Variants in BPIFC observed in about 807,000 individuals in gnomAD.
BPIFC encodes the protein BPI fold-containing family C protein.
In BPIFC, 60 loss-of-function variants were observed where a neutral mutation model predicts 57.6. The ratio of observed to expected loss-of-function variants is 1.04; its 90% CI spans 0.85 to 1.29. The LOEUF (loss-of-function observed/expected upper bound fraction) is 1.29, where lower values mean the gene tolerates loss of function less well. BPIFC is among the 50% of genes most tolerant of loss of function. BPIFC has a pLI of 0.00. For synonymous variants in BPIFC, 243 were observed against 224.5 expected, an observed-to-expected ratio of 1.08 and a Z score of -0.74; for missense variants, 581 against 600.5, an observed-to-expected ratio of 0.97 and a Z score of 0.34.
chr22:32,436,364 GGAGGAGGAGGAGGAA>G (rs977389636), intron 9 of BPIFC, among the ~76,000 whole-genome samples: 15 of 82,866 alleles, frequency 1.8e-4, no homozygotes, highest in African/African-American at 4.3e-4. Flanking sequence ...AGGAGGAGGA[GGAGGAGGAGGAGGAA>G]GAGGAGGAGG....
chr22:32,437,888 C>A (rs968704747), intron 8 of BPIFC, 37 bp from the exon 9 acceptor site: 60 of 1,225,344 alleles, frequency 4.9e-5, no homozygotes, highest in Non-Finnish European at 6.8e-5. Flanking sequence ...AATCCATATT[C>A]ATTAAAGGCA....
intron 3 of BPIFC, 150 bp downstream of exon 3, chr22:32,457,113 C>G: frequency 1.2e-6 from 1 of 851,586 alleles, no homozygotes; most frequent in Non-Finnish European, 1.7e-6. Flanking sequence ...TCTTCGCAGC[C>G]ATCTTAGCAG....
intron 9 of BPIFC, 128 bp from the exon 10 acceptor site, chr22:32,436,008 G>T: frequency 9.8e-7 from 1 of 1,023,610 alleles, no homozygotes; most frequent in South Asian, 1.7e-5. Context: ...GGTGGCTCAC[G>T]CCTATAATCC....
chr22:32,453,516 C>T lies in BPIFC; in HGVS notation c.125-13G>A. 2 of 1,566,534 alleles carry T rather than the reference C, an allele frequency of 1.3e-6. No individual in the cohort carries two copies. The highest frequency in any genetic ancestry group is 1.7e-6 in the Non-Finnish European group (2 of 1,164,410). On this transcript the variant is annotated splice_polypyrimidine_tract_variant and intron_variant, in intron 3 of 16. Transcript: ENST00000300399. ...CCAGCTTGAACACCTGTGAAGGAAA[C>T]AAGAAAGAATCTGTTGATAATGACA...
intron 13 of BPIFC, among the ~76,000 whole-genome samples, chr22:32,421,806 G>A (rs1416580441): frequency 6.6e-6 from 1 of 152,054 alleles, no homozygotes; most frequent in East Asian, 1.9e-4. Flanking sequence ...CACTAATTAA[G>A]GTTTAATTAC....
intron 9 of BPIFC, among the ~76,000 whole-genome samples, chr22:32,437,544 C>A (rs556704420): frequency 6.6e-6 from 1 of 152,142 alleles, no homozygotes; most frequent in Non-Finnish European, 1.5e-5. Flanking sequence ...CTGTGTGCCA[C>A]CACACTGGCT....
intron 3 of BPIFC, 79 bp downstream of exon 3, chr22:32,457,184 A>G: frequency 2.0e-6 from 3 of 1,485,560 alleles, no homozygotes; most frequent in South Asian, 2.9e-5. Context: ...GAGACAGCCC[A>G]TGTTATGAGC....
At chr22:32,440,931 C>A (rs910212156) in intron 8 of BPIFC, among the ~76,000 whole-genome samples, 3 of 152,148 alleles carry the variant, frequency 2.0e-5, no homozygotes, top group Non-Finnish European at 4.4e-5. Flanking sequence ...AGCACAGAAG[C>A]CAGACCGATC....
At chr22:32,458,446 C>T (rs909651041) in intron 2 of BPIFC, among the ~76,000 whole-genome samples, 3 of 152,228 alleles carry the variant, frequency 2.0e-5, no homozygotes, top group East Asian at 3.8e-4. Flanking sequence ...GTTATTATGA[C>T]TCCACCATTG....
intron 16 of BPIFC, 28 bp from the exon 17 acceptor site, chr22:32,414,453 C>T (rs1202753503): frequency 9.9e-6 from 16 of 1,609,444 alleles, no homozygotes; most frequent in African/African-American, 2.7e-5. Flanking sequence ...ATGAAGATAA[C>T]GTCAAAACTT....
At chr22:32,462,109 G>A (rs1252209172) in intron 1 of BPIFC, among the ~76,000 whole-genome samples, 2 of 133,244 alleles carry the variant, frequency 1.5e-5, no homozygotes, top group African/African-American at 5.7e-5. Context: ...GGCAGAGGTT[G>A]CAGTGAGCCA....
chr22:32,438,735 ACT>A (rs1371960456), intron 8 of BPIFC, among the ~76,000 whole-genome samples: 1 of 151,860 alleles, frequency 6.6e-6, no homozygotes, highest in Non-Finnish European at 1.5e-5. Context: ...CAAACACAAA[ACT>A]CATATCAATA....
chr22:32,444,932 G>A (rs1320261755), intron 7 of BPIFC, among the ~76,000 whole-genome samples: 1 of 152,158 alleles, frequency 6.6e-6, no homozygotes, highest in African/African-American at 2.4e-5. Context: ...CCGAGTTTGA[G>A]CTTTTGAATA....
In BPIFC at chr22:32,414,329, G is replaced by C. The variant is rs773823183; in HGVS notation, c.1498C>G (p.Gln500Glu). 3 of 1,613,728 alleles carry C rather than the reference G, an allele frequency of 1.9e-6. No homozygotes were observed. In the African/African-American group the frequency reaches 4.0e-5, roughly 22 times the overall value. Residue 500 changes from glutamine (Q) to glutamate (E), a missense_variant, in exon 17 of 17, where the codon CAG (glutamine) becomes GAG (glutamate). Coordinates refer to ENST00000300399, the MANE Select transcript of BPIFC (RefSeq NM_174932.3). ...VWEGLNLISR[Q>E]WRGKSAP ...CAAGGGGCTGACTTCCCCCTCCACT[G>C]TCTGCTTATCAGGTTCAGACCTTCC...
intron 13 of BPIFC, among the ~76,000 whole-genome samples, chr22:32,430,565 A>G (rs1400599657): frequency 6.0e-5 from 7 of 116,206 alleles, no homozygotes; most frequent in African/African-American, 1.3e-4. Flanking sequence ...ATATAAAAAT[A>G]TATTTATTAC....
intron 10 of BPIFC, among the ~76,000 whole-genome samples, chr22:32,434,182 G>A (rs996602984): frequency 6.7e-6 from 1 of 148,454 alleles, no homozygotes; most frequent in East Asian, 2.0e-4. Context: ...ATCTATCTAT[G>A]TGTACATATT....
At chr22:32,431,448 A>G in intron 12 of BPIFC, 34 bp from the exon 13 acceptor site, 2 of 1,464,270 alleles carry the variant, frequency 1.4e-6, no homozygotes, top group Non-Finnish European at 1.9e-6. Flanking sequence ...TATTAAGACG[A>G]GTGAGTGTCA....
chr22:32,448,214 G>T (rs181937584), intron 4 of BPIFC, among the ~76,000 whole-genome samples: 2 of 151,984 alleles, frequency 1.3e-5, no homozygotes, highest in Admixed American at 1.3e-4. Flanking sequence ...GACTACAGGC[G>T]CATGCCACCA....
At chr22:32,416,750 G>T (rs756531367) in intron 15 of BPIFC, among the ~76,000 whole-genome samples, 1 of 152,192 alleles carries the variant, frequency 6.6e-6, no homozygotes, top group Non-Finnish European at 1.5e-5. Flanking sequence ...GAGATATCCC[G>T]TAGGGAAAAT....
Sources: gnomAD v4.1 joint callset for allele counts (sites outside exome capture counted in the v4.1 genomes callset) on GRCh38, gnomAD v4.1.1 for gene constraint, MANE v1.5 for transcripts, NCBI Gene and HGNC (gene_info 2026-07-23, HGNC 2026-07-21) for gene names.